RALYL: variants seen among roughly 807,000 people sequenced by gnomAD.
RALYL encodes RNA-binding Raly-like protein.
Under a neutral mutation model 35.1 loss-of-function variants are expected in RALYL, and 29 were observed. The ratio of observed to expected loss-of-function variants is 0.83; its 90% CI spans 0.61 to 1.13. RALYL has a LOEUF of 1.13. RALYL is among the 50% of genes most tolerant of loss of function. The pLI, the probability that RALYL is intolerant of heterozygous loss-of-function variation, is 0.00. For synonymous variants in RALYL, 120 were observed against 127.6 expected (o/e 0.94, Z 0.40); for missense variants, 359 against 360.4 (o/e 1.00, Z 0.03).
Position 84,206,224 on chromosome 8 carries a change from T to C in RALYL, c.-24+21800T>C, listed in dbSNP as rs550366064. Among the ~76,000 whole-genome samples, 11 of 152,288 alleles carry C rather than the reference T, an allele frequency of 7.2e-5. No individual in the cohort carries two copies. The South Asian group carries it at 2.3e-3, about 32-fold the overall frequency. The stretch of plus-strand genomic sequence containing the variant: ...AGCACTGTGGGAAATACTAAGAGTA[T>C]AGATCACAGTTCTGGTTTTCAAGTA... On this transcript the variant is annotated intron_variant, in intron 1 of 8. Coordinates refer to ENST00000521268, the MANE Select transcript of RALYL (RefSeq NM_173848.7).
At chr8:84,358,771 GAGGTTGTTGATT>G in intron 1 of RALYL, among the ~76,000 whole-genome samples, 1 of 151,944 alleles carries the variant, frequency 6.6e-6, no homozygotes, top group Non-Finnish European at 1.5e-5. Context: ...AGAGAATGAA[GAGGTTGTTGATT>G]TAATGTCTTA....
At chr8:84,626,886 C>T (rs1460015585) in intron 2 of RALYL, among the ~76,000 whole-genome samples, 2 of 152,144 alleles carry the variant, frequency 1.3e-5, no homozygotes, top group Non-Finnish European at 2.9e-5. Flanking sequence ...ATTGGTAGAG[C>T]ACCTTACAGT....
chr8:84,747,900 C>T (rs1412320475), intron 2 of RALYL, among the ~76,000 whole-genome samples: 1 of 151,904 alleles, frequency 6.6e-6, no homozygotes, highest in African/African-American at 2.4e-5. Context: ...CGGATTCAAA[C>T]CAAGTTACAA....
intron 2 of RALYL, among the ~76,000 whole-genome samples, chr8:84,651,507 C>T (rs1828819156): frequency 6.6e-6 from 1 of 151,656 alleles, no homozygotes; most frequent in African/African-American, 2.4e-5. Flanking sequence ...GTTTTGGCAG[C>T]AATTAAATTT....
chr8:84,671,773 G>C (rs898933757), intron 2 of RALYL, among the ~76,000 whole-genome samples: 1 of 152,178 alleles, frequency 6.6e-6, no homozygotes, highest in African/African-American at 2.4e-5. Flanking sequence ...TTTCCTTCTA[G>C]GCCTCTGGGC....
At chr8:84,803,953 C>T (rs1270911736) in intron 3 of RALYL, among the ~76,000 whole-genome samples, 2 of 152,120 alleles carry the variant, frequency 1.3e-5, no homozygotes, top group Non-Finnish European at 2.9e-5. Context: ...TCTTAAGAAA[C>T]CTATAATGAA....
At chr8:84,241,497 G>A (rs1332278814) in intron 1 of RALYL, among the ~76,000 whole-genome samples, 1 of 152,052 alleles carries the variant, frequency 6.6e-6, no homozygotes, top group African/African-American at 2.4e-5. Flanking sequence ...TGTATGGAGG[G>A]CCTGGCGCGG....
intron 2 of RALYL, among the ~76,000 whole-genome samples, chr8:84,770,408 A>ATATATATATACATATATATATATATACG (rs1491218120): frequency 6.6e-6 from 1 of 151,692 alleles, no homozygotes. Context: ...GTAGTCCATC[A>ATATATATATACATATATATATATATACG]TATATATATA....
chr8:84,195,023 A>C (rs1325190141), intron 1 of RALYL, among the ~76,000 whole-genome samples: 1 of 152,130 alleles, frequency 6.6e-6, no homozygotes, highest in Non-Finnish European at 1.5e-5. Flanking sequence ...ACACGCTCAC[A>C]TAATTAATGC....
intron 2 of RALYL, among the ~76,000 whole-genome samples, chr8:84,588,950 T>G (rs1300074664): frequency 6.6e-6 from 1 of 151,930 alleles, no homozygotes; most frequent in Non-Finnish European, 1.5e-5. Context: ...CCAGGTGGAG[T>G]GCAATGGCAT....
chr8:84,686,870 G>A (rs1047620254), intron 2 of RALYL, among the ~76,000 whole-genome samples: 50 of 151,968 alleles, frequency 3.3e-4, no homozygotes, highest in Non-Finnish European at 6.3e-4. Context: ...TTTTATATAT[G>A]TGCCTTTCTT....
At chr8:84,887,011 G>T (rs1843000478) in intron 7 of RALYL, among the ~76,000 whole-genome samples, 1 of 152,130 alleles carries the variant, frequency 6.6e-6, no homozygotes, top group African/African-American at 2.4e-5. Flanking sequence ...CAGAATTTAT[G>T]TTCTTAACCA....
At chr8:84,532,663 A>G (rs1307864487) in intron 2 of RALYL, among the ~76,000 whole-genome samples, 1 of 152,062 alleles carries the variant, frequency 6.6e-6, no homozygotes, top group Non-Finnish European at 1.5e-5. Context: ...CTTTACCTTT[A>G]TTACCTTATT....
At chr8:84,745,698 A>G (rs1808448240) in intron 2 of RALYL, among the ~76,000 whole-genome samples, 2 of 152,190 alleles carry the variant, frequency 1.3e-5, no homozygotes, top group South Asian at 4.1e-4. Flanking sequence ...CAAGAATCTC[A>G]AACAGAAACT....
At chr8:84,716,282 G>A (rs74369925) in intron 2 of RALYL, among the ~76,000 whole-genome samples, 1,578 of 152,004 alleles carry the variant, frequency 0.01, 35 homozygotes, top group African/African-American at 0.035. Flanking sequence ...TTCAACTCAC[G>A]TTTGTTTTAA....
At chr8:84,819,237 A>C (rs1827984494) in intron 4 of RALYL, among the ~76,000 whole-genome samples, 1 of 152,090 alleles carries the variant, frequency 6.6e-6, no homozygotes, top group Admixed American at 6.6e-5. Flanking sequence ...ACTTCTCTGG[A>C]GAGTACACAA....
At chr8:84,425,035 C>G (rs2046193223) in intron 1 of RALYL, among the ~76,000 whole-genome samples, 1 of 152,184 alleles carries the variant, frequency 6.6e-6, no homozygotes, top group Non-Finnish European at 1.5e-5. Context: ...GAGGTGGAGC[C>G]TACAGAGGCA....
At chr8:84,340,938 T>G (rs555791299) in intron 1 of RALYL, among the ~76,000 whole-genome samples, 91 of 152,208 alleles carry the variant, frequency 6.0e-4, no homozygotes, top group Non-Finnish European at 1.1e-3. Flanking sequence ...ACCAATACTG[T>G]ATAATGGTTC....
chr8:84,687,194 T>C (rs1051736504), intron 2 of RALYL, among the ~76,000 whole-genome samples: 17 of 152,272 alleles, frequency 1.1e-4, no homozygotes, highest in African/African-American at 4.1e-4. Flanking sequence ...ATTAACAAAA[T>C]ACAAAATGTA....
Sources: gnomAD v4.1 joint callset for allele counts (sites outside exome capture counted in the v4.1 genomes callset) on GRCh38, gnomAD v4.1.1 for gene constraint, MANE v1.5 for transcripts, NCBI Gene and HGNC (gene_info 2026-07-23, HGNC 2026-07-21) for gene names.